The following CLEC10A variants were observed in gnomAD, a reference collection of about 807,000 sequenced individuals.
CLEC10A encodes C-type lectin domain family 10 member A.
In CLEC10A, 38 loss-of-function variants were observed where a neutral mutation model predicts 42.0. The observed-to-expected ratio is 0.90, with a 90% CI of 0.70 to 1.18. The LOEUF is 1.18. Among genes scored for constraint, CLEC10A ranks in the 50% most tolerant of loss-of-function variants. CLEC10A has a pLI of 0.00. For synonymous variants in CLEC10A, 126 were observed against 139.9 expected, an observed-to-expected ratio of 0.90 and a Z score of 0.70; for missense variants, 298 against 345.9, an observed-to-expected ratio of 0.86 and a Z score of 1.10.
At chr17:7,079,815 T>C (rs1235520107) in intron 1 of CLEC10A, among the ~76,000 whole-genome samples, 1 of 151,940 alleles carries the variant, frequency 6.6e-6, no homozygotes, top group Non-Finnish European at 1.5e-5. Flanking sequence ...TTCACAAGAT[T>C]CTCCTGCCTC....
intron 2 of CLEC10A, 87 bp downstream of exon 2, chr17:7,078,659 C>A: frequency 7.8e-7 from 1 of 1,275,848 alleles, no homozygotes; most frequent in South Asian, 1.2e-5. Flanking sequence ...CCCACCAGTG[C>A]GCGTGGTGGA....
intron 3 of CLEC10A, among the ~76,000 whole-genome samples, chr17:7,077,670 C>T (rs1194180267): frequency 4.1e-5 from 4 of 96,928 alleles, no homozygotes; most frequent in African/African-American, 1.6e-4. Context: ...GTCTGTGCCC[C>T]CACCACCGTC....
chr17:7,076,242 T>C (rs919267105), intron 5 of CLEC10A, 171 bp from the exon 6 acceptor site: 1 of 1,237,104 alleles, frequency 8.1e-7, no homozygotes, highest in Admixed American at 2.3e-5. Flanking sequence ...CTGCTTTGGA[T>C]TCCTCTGCCC....
In CLEC10A at chr17:7,075,375, T is replaced by C. The variant is rs1007269983; in HGVS notation, c.686A>G (p.Tyr229Cys). Reference sequence around the variant, plus strand: ...GTGCACTCACTGGAAGCCGGTCGCATAGTCTGTTCCATCCACCCACTTCCA... The same window carrying C: ...GTGCACTCACTGGAAGCCGGTCGCACAGTCTGTTCCATCCACCCACTTCCA... The part of the protein sequence containing the change: ...GAWKWVDGTD[Y>C]ATGFQNWKPG... The change falls in exon 8 of 9, where the codon TAT becomes TGT. Residue 229 changes from tyrosine to cysteine, a missense_variant. Tyr to Cys is a radical substitution (Grantham distance 194). Around this residue, in one of 3 missense-constraint regions of CLEC10A, gnomAD observed 267 missense variants for 289.5 expected, o/e 0.92. Transcript: ENST00000416562. 15 of 1,515,750 alleles carry C rather than the reference T, an allele frequency of 9.9e-6. No individual in the cohort carries two copies. Among genetic ancestry groups the C allele is most frequent in the Non-Finnish European group, 1.3e-5 (15 of 1,134,174 alleles). The allele number at this position is 1,515,750 out of a possible 1,614,324, so 93.9% of individuals were successfully genotyped here. A position where few individuals can be genotyped will look rare whatever the true frequency, so the allele number is the denominator to read the frequency against.
chr17:7,078,991 G>C (rs1912024400), intron 1 of CLEC10A, 106 bp from the exon 2 acceptor site: 4 of 641,816 alleles, frequency 6.2e-6, no homozygotes, highest in Non-Finnish European at 1.1e-5. Flanking sequence ...AGACGGAAAT[G>C]AGCCTGGGTT....
rs868583344 is a variant in CLEC10A, at chr17:7,076,311, T to C, written c.353-240A>G. Among the ~76,000 whole-genome samples the C allele has an allele frequency of 4.4e-3, 584 of 133,054 alleles. 2 individuals carry two copies. The highest frequency in any genetic ancestry group is 0.016 in the African/African-American group (510 of 32,504). 87.3% of individuals were successfully genotyped at this position (133,054 alleles called of 152,430 possible). ...GCTGCCTTTCTTTCTTTCTTTCTTT[T>C]TTTTTTTTTTTTTTTTGAGACGGAG... On this transcript the variant is annotated intron_variant, in intron 5 of 8. Coordinates refer to ENST00000416562, the MANE Select transcript of CLEC10A (RefSeq NM_001330070.2).
At chr17:7,075,268 G>T (rs1381081393) in intron 8 of CLEC10A, 46 bp from the exon 9 acceptor site, 1 of 1,509,760 alleles carries the variant, frequency 6.6e-7, no homozygotes. Flanking sequence ...AGATGGAGTA[G>T]AATTCAGTTC....
At position 7,074,837 on chromosome 17, in the gene CLEC10A, C is replaced by T; in HGVS notation, c.*217G>A. The T allele has an allele frequency of 2.5e-6, 1 of 399,112 alleles. No homozygotes were observed. The highest frequency in any genetic ancestry group is 4.4e-6 in the Non-Finnish European group (1 of 228,156). 24.7% of individuals were successfully genotyped at this position (399,112 alleles called of 1,614,324 possible). A position where few individuals can be genotyped will look rare whatever the true frequency, so the allele number is the denominator to read the frequency against. On this transcript the variant is annotated 3_prime_UTR_variant, in exon 9 of 9. Transcript: ENST00000416562. ...CATTTTTATTATGTAAAAATTATAC[C>T]TTCATGAAGTTGACTTTCAAAAGTT...
chr17:7,078,434 C>T lies in CLEC10A; in HGVS notation c.67+312G>A. The T allele has an allele frequency of 7.8e-6, 4 of 513,640 alleles. No individual in the cohort carries two copies. The South Asian group carries it at 1.0e-4, about 13-fold the overall frequency. The allele number at this position is 513,640 out of a possible 1,614,324, so 31.8% of individuals were successfully genotyped here. ...CCAGCCCTTCATGGGCTTATGCTCA[C>T]CTACCTGCTGGACAATCAGGTTCAC... On this transcript the variant is annotated intron_variant, in intron 2 of 8. Coordinates refer to ENST00000416562, the MANE Select transcript of CLEC10A (RefSeq NM_001330070.2).
At position 7,078,028 on chromosome 17, in the gene CLEC10A, C is replaced by T. The variant is rs1317727567; in HGVS notation, c.153G>A (p.Leu51=). Residue 51 remains leucine, a synonymous_variant, in exon 3 of 9, where the codon CTG becomes CTA. Coordinates refer to ENST00000416562, the MANE Select transcript of CLEC10A (RefSeq NM_001330070.2). ...LLLSLGLGLL[L]LVIICVVGFQ... is the part of the protein sequence containing the mutation. ...ATCCAACCACACAGATGATGACCAG[C>T]AGCAGGAGGCCGAGGCCCAGGGACA... 2 of 1,613,714 alleles carry T rather than the reference C, an allele frequency of 1.2e-6. No homozygotes were observed. The highest frequency in any genetic ancestry group is 1.3e-5 in the African/African-American group (1 of 74,880).
At position 7,075,982 on chromosome 17, in the gene CLEC10A, C is replaced by T; in HGVS notation, c.439+3G>A. ...GGCCAGGTACTCCCCATACCTTCCT[C>T]ACCATTGTTGTTGAGAGTAGCCACC... is the stretch of plus-strand genomic sequence containing the variant. On this transcript the variant is annotated splice_donor_region_variant and intron_variant, in intron 6 of 8. Coordinates refer to ENST00000416562, the MANE Select transcript of CLEC10A (RefSeq NM_001330070.2). 6.2e-7 allele frequency: 1 copy of T among 1,614,206 alleles called. No homozygotes were observed. Among genetic ancestry groups the T allele is most frequent in the Non-Finnish European group, 8.5e-7 (1 of 1,180,018 alleles).
Position 7,075,903 on chromosome 17 carries a change from G to A in CLEC10A, c.440-18C>T, listed in dbSNP as rs1398880313. ...AGTGGAGGCTGATTGGGGAGAAATA[G>A]GATAGGGTGGAGAGGCTGAGGCTCT... On this transcript the variant is annotated intron_variant, in intron 6 of 8. Coordinates refer to ENST00000416562, the MANE Select transcript of CLEC10A (RefSeq NM_001330070.2). The A allele has an allele frequency of 1.5e-6, 1 of 683,584 alleles. No homozygotes were observed. Among genetic ancestry groups the A allele is most frequent in the Non-Finnish European group, 1.9e-6 (1 of 522,876 alleles). 42.3% of individuals were successfully genotyped at this position (683,584 alleles called of 1,614,324 possible).
chr17:7,077,941 T>C (rs1911942167), intron 3 of CLEC10A, 56 bp downstream of exon 3: 2 of 1,357,524 alleles, frequency 1.5e-6, no homozygotes, highest in East Asian at 4.6e-5. Context: ...AGCACCCCAT[T>C]ATTTATCTTC....
rs1157003649 is a variant in CLEC10A, at chr17:7,075,229, G to A, written c.702-7C>T. On this transcript the variant is annotated splice_polypyrimidine_tract_variant and splice_region_variant and intron_variant, in intron 8 of 8. Transcript: ENST00000416562. ...CTGGCCTGGCTTCCAGTTCCTGAGA[G>A]GAAAAGACAACAGCAAGCTAGGAAG... The A allele has an allele frequency of 6.6e-6, 10 of 1,526,236 alleles. No individual in the cohort carries two copies. Among genetic ancestry groups the A allele is most frequent in the African/African-American group, 2.8e-5 (2 of 71,540 alleles). 94.5% of individuals were successfully genotyped at this position (1,526,236 alleles called of 1,614,324 possible). A position where few individuals can be genotyped will look rare whatever the true frequency, so the allele number is the denominator to read the frequency against.
chr17:7,079,093 G>C (rs1476536104), intron 1 of CLEC10A, among the ~76,000 whole-genome samples: 1 of 152,198 alleles, frequency 6.6e-6, no homozygotes, highest in East Asian at 1.9e-4. Context: ...ACTACCCAGT[G>C]GGCCAGTTAA....
At chr17:7,078,984 C>T (rs1425272634) in intron 1 of CLEC10A, 99 bp from the exon 2 acceptor site, 2 of 651,700 alleles carry the variant, frequency 3.1e-6, no homozygotes, top group South Asian at 1.7e-5. Context: ...AGGGTTAAGA[C>T]GGAAATGAGC....
Position 7,077,998 on chromosome 17 carries a change from T to G in CLEC10A, c.183A>C (p.Gln61His). The G allele has an allele frequency of 6.2e-7, 1 of 1,608,706 alleles. No individual in the cohort carries two copies. Among genetic ancestry groups the G allele is most frequent in the Non-Finnish European group, 8.5e-7 (1 of 1,175,386 alleles). ...CCTGTCCACCCCTGTGACCCTCACT[T>G]TGGAATCCAACCACACAGATGATGA... is the stretch of plus-strand genomic sequence containing the variant. ...LLVIICVVGF[Q>H]NSKFQRDLVT... Residue 61 changes from glutamine (Q) to histidine (H), a missense_variant and splice_region_variant, in exon 3 of 9, where the codon CAA becomes CAC. Physicochemically the swap from Gln to His is conservative, Grantham distance 24. Around this residue, in one of 3 missense-constraint regions of CLEC10A, gnomAD observed 267 missense variants for 289.5 expected, o/e 0.92. Coordinates refer to ENST00000416562, the MANE Select transcript of CLEC10A (RefSeq NM_001330070.2).
intron 7 of CLEC10A, 26 bp from the exon 8 acceptor site, chr17:7,075,492 A>C (rs1911672632): frequency 6.6e-7 from 1 of 1,515,464 alleles, no homozygotes; most frequent in African/African-American, 1.4e-5. Flanking sequence ...GGCAGTGGTG[A>C]CTTCTTCCCA....
In CLEC10A at chr17:7,075,031, C is replaced by A. The variant is rs762647211; in HGVS notation, c.*23G>T. ...CTCCTCCCACCGCCATTTCTGTGGCCGGGTGGTCCCACCAAAGGCAGCTCA... is the reference window on the plus strand; with the variant it reads ...CTCCTCCCACCGCCATTTCTGTGGCAGGGTGGTCCCACCAAAGGCAGCTCA... On this transcript the variant is annotated 3_prime_UTR_variant, in exon 9 of 9. Transcript: ENST00000416562. 1.3e-6 allele frequency: 2 copies of A among 1,523,610 alleles called. No individual in the cohort carries two copies. Among genetic ancestry groups the A allele is most frequent in the East Asian group, 2.5e-5 (1 of 40,688 alleles). 94.4% of individuals were successfully genotyped at this position (1,523,610 alleles called of 1,614,324 possible).
Sources: gnomAD v4.1 joint callset for allele counts (sites outside exome capture counted in the v4.1 genomes callset) on GRCh38, gnomAD v4.1.1 for gene constraint, gnomAD v4.1.1 regional missense constraint, MANE v1.5 for transcripts, NCBI Gene and HGNC (gene_info 2026-07-23, HGNC 2026-07-21) for gene names.